The following CRACDL variants were observed in gnomAD, a reference collection of about 807,000 sequenced individuals.
CRACDL encodes CRACD-like protein.
Under a neutral mutation model 70.6 loss-of-function variants are expected in CRACDL, and 26 were observed. The observed-to-expected ratio is 0.37, with a 90% CI of 0.27 to 0.51. The LOEUF (loss-of-function observed/expected upper bound fraction) is 0.51. Among genes scored for constraint, CRACDL ranks in the 20% least tolerant of loss-of-function variants. CRACDL has a pLI of 0.94. For missense variants in CRACDL, 1,283 were observed against 1,376.9 expected (o/e 0.93, Z 1.08); for synonymous variants, 618 against 615.2 (o/e 1.00, Z -0.07).
intron 1 of CRACDL, among the ~76,000 whole-genome samples, chr2:98,865,716 T>C (rs1002475943): frequency 2.6e-5 from 4 of 152,044 alleles, no homozygotes; most frequent in African/African-American, 9.7e-5. Flanking sequence ...ACTTGACAGC[T>C]GTACCCACAC....
intron 1 of CRACDL, among the ~76,000 whole-genome samples, chr2:98,863,236 G>A (rs1267917475): frequency 6.6e-6 from 1 of 152,168 alleles, no homozygotes; most frequent in Non-Finnish European, 1.5e-5. Flanking sequence ...CCAGAAGGTA[G>A]TAGGCTGATA....
Position 98,920,477 on chromosome 2 carries a change from C to T in CRACDL, c.-11+15461G>A, listed in dbSNP as rs543114533. ...TCCCACAGGCACCCAGGGCTGTCACCACCAAGGGGTGCCAGCACTTTCCTG... is the reference window on the plus strand; with the variant it reads ...TCCCACAGGCACCCAGGGCTGTCACTACCAAGGGGTGCCAGCACTTTCCTG... On this transcript the variant is annotated intron_variant, in intron 1 of 9. Transcript: ENST00000397899. Among the ~76,000 whole-genome samples, 146 of 152,294 alleles carry T rather than the reference C, an allele frequency of 9.6e-4. 3 individuals carry two copies. The Middle Eastern group carries it at 0.017, about 18-fold the overall frequency.
At chr2:98,889,257 AAAAG>A (rs1418581102) in intron 1 of CRACDL, among the ~76,000 whole-genome samples, 5 of 150,498 alleles carry the variant, frequency 3.3e-5, no homozygotes, top group East Asian at 2.0e-4. Context: ...GAGAAAGAGA[AAAAG>A]AAAGAAAGAA....
intron 1 of CRACDL, among the ~76,000 whole-genome samples, chr2:98,883,421 G>T (rs1426341559): frequency 2.0e-5 from 3 of 152,196 alleles, no homozygotes; most frequent in African/African-American, 7.2e-5. Flanking sequence ...CACCAGGCTG[G>T]GTGGGATTAA....
intron 1 of CRACDL, among the ~76,000 whole-genome samples, chr2:98,897,152 T>C (rs1708146841): frequency 6.6e-6 from 1 of 152,164 alleles, no homozygotes; most frequent in Non-Finnish European, 1.5e-5. Context: ...CACTGATTTG[T>C]TCTCCGTCAC....
At chr2:98,801,475 G>A (rs559444952) in intron 7 of CRACDL, among the ~76,000 whole-genome samples, 212 of 152,370 alleles carry the variant, frequency 1.4e-3, no homozygotes, top group African/African-American at 3.5e-3. Context: ...GCTGTGTGAT[G>A]AGCCACTCTG....
At chr2:98,857,575 C>T (rs972302519) in intron 1 of CRACDL, among the ~76,000 whole-genome samples, 1 of 151,858 alleles carries the variant, frequency 6.6e-6, no homozygotes, top group African/African-American at 2.4e-5. Flanking sequence ...AATTAAAAAT[C>T]AATAAGAAAT....
At chr2:98,873,623 A>G (rs1281598031) in intron 1 of CRACDL, among the ~76,000 whole-genome samples, 4 of 152,202 alleles carry the variant, frequency 2.6e-5, no homozygotes, top group African/African-American at 7.2e-5. Context: ...CGCCCCTCTA[A>G]GAGGAACCCT....
At position 98,812,478 on chromosome 2, in the gene CRACDL, T is replaced by G. The variant is rs1704613799; in HGVS notation, c.2416+9379A>C. 2.6e-5 allele frequency among the ~76,000 whole-genome samples: 4 copies of G among 152,360 alleles called. No homozygotes were observed. In the South Asian group the frequency reaches 8.3e-4, roughly 32 times the overall value. ...CCCATTGGCCATAGAGATAATACTC[T>G]AATGAGAATTGCATTTTCTCCACAT... On this transcript the variant is annotated intron_variant, in intron 7 of 9. Transcript: ENST00000397899.
chr2:98,906,931 C>T (rs6731293), intron 1 of CRACDL, among the ~76,000 whole-genome samples: 5,774 of 152,138 alleles, frequency 0.038, 362 homozygotes, highest in African/African-American at 0.13. Flanking sequence ...TAATGTATGA[C>T]GTTTCTGTGA....
At chr2:98,854,570 T>A (rs934356967) in intron 1 of CRACDL, among the ~76,000 whole-genome samples, 2 of 152,068 alleles carry the variant, frequency 1.3e-5, no homozygotes, top group South Asian at 4.1e-4. Flanking sequence ...TCGTAAAAAA[T>A]ATCTTACAAA....
chr2:98,812,610 T>C (rs778981105), intron 7 of CRACDL, among the ~76,000 whole-genome samples: 18 of 152,328 alleles, frequency 1.2e-4, no homozygotes, highest in Middle Eastern at 3.4e-3. Flanking sequence ...CTAATGATGG[T>C]AAGCATATTT....
rs1021146680 is a variant in CRACDL, at chr2:98,794,317, A to G, written c.*215T>C. 4 of 445,832 alleles carry G rather than the reference A, an allele frequency of 9.0e-6. No homozygotes were observed. Among genetic ancestry groups the G allele is most frequent in the Admixed American group, 3.9e-5 (1 of 25,318 alleles). The allele number at this position is 445,832 out of a possible 1,614,324, so 27.6% of individuals were successfully genotyped here. On this transcript the variant is annotated 3_prime_UTR_variant, in exon 10 of 10. Transcript: ENST00000397899. ...AGGAACTGGTTCCTGGACTTTTTCAATGTTGTTCTTGTTTCTGGGCCCTCT... is the reference window on the plus strand; with the variant it reads ...AGGAACTGGTTCCTGGACTTTTTCAGTGTTGTTCTTGTTTCTGGGCCCTCT...
At chr2:98,858,512 C>CAAAAAAAAAAAAAA (rs370742460) in intron 1 of CRACDL, among the ~76,000 whole-genome samples, 1 of 56,266 alleles carries the variant, frequency 1.8e-5, no homozygotes. Flanking sequence ...GAGACTCTGT[C>CAAAAAAAAAAAAAA]AAAAAAAAAA....
At chr2:98,849,880 AC>A (rs1706411917) in intron 1 of CRACDL, among the ~76,000 whole-genome samples, 1 of 152,142 alleles carries the variant, frequency 6.6e-6, no homozygotes, top group African/African-American at 2.4e-5. Context: ...TGGCATCTTC[AC>A]CCTACCACCT....
chr2:98,873,465 A>T (rs1707403827), intron 1 of CRACDL, among the ~76,000 whole-genome samples: 1 of 152,182 alleles, frequency 6.6e-6, no homozygotes, highest in Non-Finnish European at 1.5e-5. Context: ...ACCCACACAC[A>T]GGGACCACAG....
At chr2:98,795,077 A>ATTTTTTTTTTTTTTTTTTTT (rs1181969802) in intron 9 of CRACDL, among the ~76,000 whole-genome samples, 8 of 58,492 alleles carry the variant, frequency 1.4e-4, no homozygotes, top group South Asian at 9.8e-4. Flanking sequence ...ATATATATAT[A>ATTTTTTTTTTTTTTTTTTTT]TTTTTTTTTT....
intron 5 of CRACDL, among the ~76,000 whole-genome samples, chr2:98,827,570 G>A (rs571695438): frequency 1.3e-5 from 2 of 152,224 alleles, no homozygotes; most frequent in Non-Finnish European, 2.9e-5. Context: ...GATTACAGGT[G>A]TGAGCCACCG....
intron 3 of CRACDL, among the ~76,000 whole-genome samples, chr2:98,835,194 AT>A (rs1429303291): frequency 2.0e-5 from 3 of 152,270 alleles, no homozygotes; most frequent in Non-Finnish European, 4.4e-5. Context: ...TGAATTGGAA[AT>A]ATCAGCAAAT....
Sources: allele counts gnomAD v4.1 joint callset (sites outside exome capture counted in the v4.1 genomes callset), GRCh38; gene constraint gnomAD v4.1.1; transcripts MANE v1.5; gene names NCBI Gene and HGNC (gene_info 2026-07-23, HGNC 2026-07-21).